Variants in STAC observed in about 807,000 individuals in gnomAD.
The protein encoded by STAC is SH3 and cysteine rich domain, also known as SH3 and cysteine-rich domain-containing protein.
STAC carries 43 observed loss-of-function variants against 48.8 expected under a neutral mutation model. That is an observed-to-expected ratio of 0.88 (90% CI 0.69 to 1.14). The LOEUF is 1.14. STAC is among the 50% of genes most tolerant of loss of function. STAC has a pLI of 0.00. For missense variants in STAC, 497 were observed against 504.0 expected, an observed-to-expected ratio of 0.99 and a Z score of 0.13; for synonymous variants, 193 against 179.5, an observed-to-expected ratio of 1.07 and a Z score of -0.60.
chr3:36,479,562 TGGCATC>T (rs1697588871), intron 2 of STAC, among the ~76,000 whole-genome samples: 1 of 152,208 alleles, frequency 6.6e-6, no homozygotes, highest in Non-Finnish European at 1.5e-5. Context: ...CAAAGTTCAG[TGGCATC>T]TTTGTTTCCA....
At chr3:36,477,414 G>A (rs544341168) in intron 2 of STAC, among the ~76,000 whole-genome samples, 20 of 152,136 alleles carry the variant, frequency 1.3e-4, no homozygotes, top group African/African-American at 3.9e-4. Flanking sequence ...ATGCTTCAAT[G>A]GCAAAATCTT....
chr3:36,404,062 A>T (rs941000382), intron 1 of STAC, among the ~76,000 whole-genome samples: 9 of 152,196 alleles, frequency 5.9e-5, no homozygotes, highest in Admixed American at 3.3e-4. Flanking sequence ...TTACACCAAC[A>T]ATACCTATGA....
intron 2 of STAC, among the ~76,000 whole-genome samples, chr3:36,466,333 T>C (rs949559864): frequency 2.0e-5 from 3 of 152,206 alleles, no homozygotes; most frequent in African/African-American, 7.2e-5. Flanking sequence ...TTGGGTAATA[T>C]GATGCTTCCA....
chr3:36,535,583 C>T lies in STAC; in HGVS notation c.1110+6598C>T, dbSNP rs142855548. On this transcript the variant is annotated intron_variant, in intron 10 of 10. Transcript: ENST00000273183. ...AGAATGCTTCCAGCTTTTGCCCATT[C>T]GGTATAATATTGGCTGTGGGTTTGC... 6.1e-3 allele frequency among the ~76,000 whole-genome samples: 935 copies of T among 152,234 alleles called. 10 individuals are homozygous for T. The highest frequency in any genetic ancestry group is 0.021 in the African/African-American group (868 of 41,540).
chr3:36,477,244 T>C (rs1047972098), intron 2 of STAC, among the ~76,000 whole-genome samples: 1 of 152,220 alleles, frequency 6.6e-6, no homozygotes. Context: ...TCATTGTTGA[T>C]CTAAGTACTG....
At chr3:36,415,723 A>C (rs1304925913) in intron 1 of STAC, among the ~76,000 whole-genome samples, 1 of 152,190 alleles carries the variant, frequency 6.6e-6, no homozygotes, top group Non-Finnish European at 1.5e-5. Flanking sequence ...TGGGAGCTGT[A>C]GATTGGAGCT....
chr3:36,530,179 T>C (rs1044360187), intron 10 of STAC, among the ~76,000 whole-genome samples: 18 of 152,218 alleles, frequency 1.2e-4, no homozygotes, highest in Admixed American at 7.2e-4. Flanking sequence ...AGGACTTTAA[T>C]TTTCAACTTT....
At chr3:36,501,034 G>A (rs1260863701) in intron 6 of STAC, among the ~76,000 whole-genome samples, 2 of 152,306 alleles carry the variant, frequency 1.3e-5, no homozygotes, top group Middle Eastern at 3.4e-3. Flanking sequence ...CGAGGCTGCA[G>A]TGAGCTATAA....
At chr3:36,504,708 A>T (rs1003482680) in intron 7 of STAC, among the ~76,000 whole-genome samples, 1 of 151,416 alleles carries the variant, frequency 6.6e-6, no homozygotes, top group African/African-American at 2.4e-5. Context: ...ATAGAATTAT[A>T]TAATATATTA....
chr3:36,385,003 G>A (rs779874716), intron 1 of STAC, among the ~76,000 whole-genome samples: 2 of 152,256 alleles, frequency 1.3e-5, no homozygotes, highest in East Asian at 3.9e-4. Flanking sequence ...GAAGATGAAA[G>A]AAAACGAAAC....
At chr3:36,391,113 C>T (rs896959940) in intron 1 of STAC, among the ~76,000 whole-genome samples, 7 of 152,126 alleles carry the variant, frequency 4.6e-5, no homozygotes, top group Admixed American at 1.3e-4. Flanking sequence ...TTCTGTGTAA[C>T]ACTGATTCCT....
rs1697522080 is a variant in STAC, at chr3:36,477,435, G to A, written c.389-5557G>A. On this transcript the variant is annotated intron_variant, in intron 2 of 10. Coordinates refer to ENST00000273183, the MANE Select transcript of STAC (RefSeq NM_003149.3). Reference sequence around the variant, plus strand: ...CAATGGCAAAATCTTATCAAAATGAGTCCAGCCAATTATTTTACAGATATA... The same window carrying A: ...CAATGGCAAAATCTTATCAAAATGAATCCAGCCAATTATTTTACAGATATA... 4.0e-5 allele frequency among the ~76,000 whole-genome samples: 6 copies of A among 151,898 alleles called. No individual in the cohort carries two copies. The South Asian group carries it at 1.2e-3, about 32-fold the overall frequency.
At chr3:36,442,687 C>T (rs1222187029) in intron 1 of STAC, among the ~76,000 whole-genome samples, 1 of 150,542 alleles carries the variant, frequency 6.6e-6, no homozygotes, top group African/African-American at 2.4e-5. Flanking sequence ...AGAGGGAGGG[C>T]AGCAGGAAGA....
At chr3:36,439,829 C>T (rs908656889) in intron 1 of STAC, among the ~76,000 whole-genome samples, 1 of 152,184 alleles carries the variant, frequency 6.6e-6, no homozygotes, top group Non-Finnish European at 1.5e-5. Flanking sequence ...GTGTCCTCTT[C>T]AAAACCAATG....
intron 2 of STAC, among the ~76,000 whole-genome samples, chr3:36,446,174 T>C (rs1696503968): frequency 6.6e-6 from 1 of 152,228 alleles, no homozygotes; most frequent in South Asian, 2.1e-4. Flanking sequence ...TGGCATGCCC[T>C]CCAGCTAACC....
intron 5 of STAC, among the ~76,000 whole-genome samples, chr3:36,489,620 C>T (rs1289742281): frequency 6.6e-6 from 1 of 152,216 alleles, no homozygotes; most frequent in East Asian, 1.9e-4. Flanking sequence ...TTAGACTAAC[C>T]TCCTTAAATG....
chr3:36,479,159 G>A (rs1697574967), intron 2 of STAC, among the ~76,000 whole-genome samples: 1 of 152,142 alleles, frequency 6.6e-6, no homozygotes, highest in Non-Finnish European at 1.5e-5. Flanking sequence ...AAACGTATGT[G>A]TAAAGTAAAT....
chr3:36,387,957 G>A (rs1203103045), intron 1 of STAC, among the ~76,000 whole-genome samples: 5 of 152,086 alleles, frequency 3.3e-5, no homozygotes, highest in Non-Finnish European at 7.4e-5. Context: ...GACGAGTAAT[G>A]CACAAGGATT....
chr3:36,444,005 A>C (rs951884345), intron 2 of STAC, among the ~76,000 whole-genome samples: 4 of 152,040 alleles, frequency 2.6e-5, no homozygotes, highest in Non-Finnish European at 4.4e-5. Flanking sequence ...TTGCTTCCCC[A>C]AAAAAAAGCC....
Sources: allele counts gnomAD v4.1 joint callset (sites outside exome capture counted in the v4.1 genomes callset), GRCh38; gene constraint gnomAD v4.1.1; transcripts MANE v1.5; gene names NCBI Gene and HGNC (gene_info 2026-07-23, HGNC 2026-07-21).